SPON2: variants seen among roughly 807,000 people sequenced by gnomAD.
SPON2 encodes spondin-2.
A neutral mutation model predicts 29.9 loss-of-function variants in SPON2; 32 were observed. The ratio of observed to expected loss-of-function variants is 1.07; its 90% CI spans 0.81 to 1.44. The LOEUF is 1.44. Ranked by LOEUF, SPON2 falls within the 40% of genes most tolerant of loss-of-function variation. The pLI is 0.00. For synonymous variants in SPON2, 248 were observed against 209.1 expected, an observed-to-expected ratio of 1.19 and a Z score of -1.61; for missense variants, 541 against 455.5, an observed-to-expected ratio of 1.19 and a Z score of -1.71.
intron 1 of SPON2, among the ~76,000 whole-genome samples, chr4:1,186,100 C>T (rs1003974744): frequency 1.9e-4 from 28 of 150,152 alleles, no homozygotes; most frequent in South Asian, 1.1e-3. Context: ...AAAAATTAGC[C>T]GGGCGTGGTG....
rs766220482 is a variant in SPON2 at position 1,170,429 on chromosome 4, C to A, written c.784G>T (p.Asp262Tyr). ...IPPAPVLPSRDNEIVDSASVP... is the reference protein window; with the variant it reads ...IPPAPVLPSRYNEIVDSASVP... ...GAGGCGCTGTCTACAATCTCATTGT[C>A]CCTGCTGGGCAGGACTGGGGCGGGA... The change falls in exon 5 of 6, where the codon GAC becomes TAC. Residue 262 changes from aspartate to tyrosine, a missense_variant. By Grantham distance (160) the Asp-to-Tyr change is radical (BLOSUM62 -3). Transcript: ENST00000290902. 1.9e-6 allele frequency: 3 copies of A among 1,613,676 alleles called. No homozygotes were observed. The highest frequency in any genetic ancestry group is 2.5e-6 in the Non-Finnish European group (3 of 1,179,878).
rs200531741 is a variant in SPON2 at position 1,171,931 on chromosome 4, G to A, written c.141C>T (p.Phe47=). The part of the protein sequence containing the change: ...ARALAKYSIT[F]TGKWSQTAFP... ...AGGCCGTCTGGCTCCACTTGCCCGT[G>A]AAGGTGATGCTGTATTTGGCCAGGG... Residue 47 remains phenylalanine (F), a synonymous_variant, in exon 2 of 6, where the codon TTC becomes TTT. Coordinates refer to ENST00000290902, the MANE Select transcript of SPON2 (RefSeq NM_012445.4). The A allele has an allele frequency of 8.7e-6, 14 of 1,612,804 alleles. No homozygotes were observed. The highest frequency in any genetic ancestry group is 1.2e-5 in the Non-Finnish European group (14 of 1,179,850).
At chr4:1,206,337 G>A (rs1157660912) in intron 1 of SPON2, among the ~76,000 whole-genome samples, 4 of 152,246 alleles carry the variant, frequency 2.6e-5, no homozygotes, top group Non-Finnish European at 5.9e-5. Flanking sequence ...TGGGCTGACC[G>A]TGGGCCTAGG....
At position 1,181,745 on chromosome 4, in the gene SPON2, G is replaced by A. The variant is rs151313442; in HGVS notation, c.-238-2204C>T. On this transcript the variant is annotated intron_variant, in intron 1 of 3. Transcript: ENST00000502483. Reference sequence around the variant, plus strand: ...CAGTTTACAGACAGCTTTCAGGAGCGAGGCTGGCAAGAAAAAAGGATGTTG... The same window carrying A: ...CAGTTTACAGACAGCTTTCAGGAGCAAGGCTGGCAAGAAAAAAGGATGTTG... Among the ~76,000 whole-genome samples, 1,353 of 152,304 alleles carry A rather than the reference G, an allele frequency of 8.9e-3. 10 individuals are homozygous for A. The highest frequency in any genetic ancestry group is 0.015 in the Non-Finnish European group (988 of 68,018).
intron 1 of SPON2, 162 bp from the exon 2 acceptor site, chr4:1,172,236 C>CA: frequency 1.5e-6 from 1 of 648,786 alleles, no homozygotes; most frequent in South Asian, 1.9e-5. Flanking sequence ...CCGAGACCCC[C>CA]ATCAGCGGAA....
At chr4:1,203,471 C>T (rs1480365344) in intron 1 of SPON2, among the ~76,000 whole-genome samples, 1 of 152,190 alleles carries the variant, frequency 6.6e-6, no homozygotes, top group African/African-American at 2.4e-5. Context: ...AGTGTGGGGC[C>T]AGGCCACAAT....
chr4:1,205,547 C>T (rs535811522), intron 1 of SPON2, among the ~76,000 whole-genome samples: 1 of 151,996 alleles, frequency 6.6e-6, no homozygotes, highest in East Asian at 1.9e-4. Flanking sequence ...CCTGGCCTCC[C>T]GCAATCCTGT....
At chr4:1,193,628 G>T (rs1385362161) in intron 1 of SPON2, among the ~76,000 whole-genome samples, 1 of 74,934 alleles carries the variant, frequency 1.3e-5, no homozygotes, top group Non-Finnish European at 2.9e-5. Context: ...TGTGGAGGGG[G>T]CATGGGAAGG....
At chr4:1,195,489 T>TCCCCCC (rs910772142), upstream of SPON2, among the ~76,000 whole-genome samples, 12 of 145,990 alleles carry the variant, frequency 8.2e-5, no homozygotes, top group East Asian at 1.5e-3. Flanking sequence ...CACCTGAACC[T>TCCCCCC]CCCCCCGCCT....
intron 1 of SPON2, among the ~76,000 whole-genome samples, chr4:1,204,255 A>T (rs1010801407): frequency 6.6e-6 from 1 of 152,094 alleles, no homozygotes; most frequent in African/African-American, 2.4e-5. Flanking sequence ...CTGGTTTTTC[A>T]CTACCTTACC....
intron 2 of SPON2, among the ~76,000 whole-genome samples, chr4:1,178,872 G>C (rs1727655182): frequency 6.6e-6 from 1 of 152,144 alleles, no homozygotes. Flanking sequence ...CGGAGTGGCA[G>C]CTGGTCCCCC....
In SPON2 at chr4:1,178,985, G is replaced by A. The variant is rs56260775; in HGVS notation, c.-145+463C>T. On this transcript the variant is annotated intron_variant, in intron 2 of 3. Transcript: ENST00000502483. ...GATTCAGGTTTCTCTGAGCACTTCC[G>A]ATTGATTGGCAGAGCCTGAATCAGG... Among the ~76,000 whole-genome samples, 4 of 152,254 alleles carry A rather than the reference G, an allele frequency of 2.6e-5. No individual in the cohort carries two copies. The South Asian group carries it at 8.3e-4, about 32-fold the overall frequency.
Position 1,171,082 on chromosome 4 carries a change from A to G in SPON2, c.553T>C (p.Tyr185His). 3.2e-6 allele frequency: 5 copies of G among 1,550,306 alleles called. No individual in the cohort carries two copies. Among genetic ancestry groups the G allele is most frequent in the Non-Finnish European group, 4.4e-6 (5 of 1,146,680 alleles). ...CTGTCCGTCCCGGCGTCGTAGGGGT[A>G]CAGGTCCAGCGCCGCCTGTTCCCGC... ...RWREQAALDLYPYDAGTDSGF... is the reference protein window; with the variant it reads ...RWREQAALDLHPYDAGTDSGF... Residue 185 changes from tyrosine (Y) to histidine (H), a missense_variant, in exon 4 of 6, where the codon TAC becomes CAC. Coordinates refer to ENST00000290902, the MANE Select transcript of SPON2 (RefSeq NM_012445.4).
At chr4:1,204,930 G>A (rs1728302510) in intron 1 of SPON2, 1 of 152,256 alleles carries the variant, frequency 6.6e-6, no homozygotes. Context: ...GAATTTGAAA[G>A]ATGCTGATTC....
upstream of SPON2, chr4:1,199,254 C>T (rs143442254): frequency 2.4e-4 from 37 of 152,108 alleles, no homozygotes; most frequent in East Asian, 1.9e-4. The surrounding 1 kb of genome is among the most constrained non-coding windows in gnomAD (Gnocchi z 4.5). Flanking sequence ...CAAAATTAGC[C>T]GGGCGTGGTG....
intron 1 of SPON2, among the ~76,000 whole-genome samples, chr4:1,184,439 A>T (rs1470173058): frequency 3.3e-5 from 5 of 152,154 alleles, no homozygotes; most frequent in Non-Finnish European, 7.4e-5. Context: ...TTCCAAGCAA[A>T]CCAAAACCGA....
At chr4:1,203,764 G>A (rs1250103) in intron 1 of SPON2, among the ~76,000 whole-genome samples, 40,897 of 151,858 alleles carry the variant, frequency 0.27, 6,734 homozygotes, top group East Asian at 0.4. Flanking sequence ...GTGTGGTCTC[G>A]TGTGGTTTTT....
chr4:1,191,215 C>G (rs185093431), intron 1 of SPON2, among the ~76,000 whole-genome samples: 59 of 151,908 alleles, frequency 3.9e-4, no homozygotes, highest in Admixed American at 3.2e-3. Context: ...TCAAAAATTA[C>G]TACAAAACTG....
intron 5 of SPON2, 94 bp from the exon 6 acceptor site, chr4:1,167,750 C>T: frequency 7.3e-7 from 1 of 1,369,428 alleles, no homozygotes. Flanking sequence ...GTGCATTCAT[C>T]AGAGGCCACG....
Sources: allele counts gnomAD v4.1 joint callset (sites outside exome capture counted in the v4.1 genomes callset), GRCh38; gene constraint gnomAD v4.1.1; non-coding constraint Gnocchi (gnomAD v3.1); transcripts MANE v1.5; gene names NCBI Gene and HGNC (gene_info 2026-07-23, HGNC 2026-07-21).